CROT: variants seen among roughly 807,000 people sequenced by gnomAD.
CROT encodes the protein carnitine O-octanoyltransferase, also known as peroxisomal carnitine O-octanoyltransferase.
In CROT, 84 loss-of-function variants were observed where a neutral mutation model predicts 89.2. That is an observed-to-expected ratio of 0.94 (90% CI 0.79 to 1.13). The LOEUF (loss-of-function observed/expected upper bound fraction) is 1.13. Among genes scored for constraint, CROT ranks in the 50% most tolerant of loss-of-function variants. The pLI, the probability that CROT is intolerant of heterozygous loss-of-function variation, is 0.00. For missense variants in CROT, 711 were observed against 727.8 expected (o/e 0.98, Z 0.27); for synonymous variants, 212 against 239.5 (o/e 0.89, Z 1.06).
chr7:87,382,450 C>G lies in CROT; in HGVS notation c.1208C>G (p.Ser403Cys). ...DLQIAAYAFT[S>C]FGKKLTKNKM... ...CAGATTGCGGCTTATGCCTTTACAT[C>G]TTTTGGCAAAAAGCTAACCAAGAAC... Residue 403 changes from serine (S) to cysteine (C), a missense_variant, in exon 13 of 18, where the codon TCT (serine) becomes TGT (cysteine). Physicochemically the swap from Ser to Cys is moderately radical, Grantham distance 112. Coordinates refer to ENST00000331536, the MANE Select transcript of CROT (RefSeq NM_021151.4). The G allele has an allele frequency of 6.2e-7, 1 of 1,613,794 alleles. No individual in the cohort carries two copies. The highest frequency in any genetic ancestry group is 1.7e-5 in the Admixed American group (1 of 59,978).
intron 6 of CROT, among the ~76,000 whole-genome samples, chr7:87,367,894 A>C (rs867732696): frequency 2.3e-4 from 35 of 152,088 alleles, no homozygotes; most frequent in African/African-American, 8.5e-4. Context: ...TCACCTCCTA[A>C]CTTGGCATAC....
Position 87,369,456 on chromosome 7 carries a change from T to A in CROT, c.628T>A (p.Cys210Ser). The A allele has an allele frequency of 6.2e-7, 1 of 1,612,856 alleles. No homozygotes were observed. Among genetic ancestry groups the A allele is most frequent in the Non-Finnish European group, 8.5e-7 (1 of 1,179,300 alleles). Residue 210 changes from cysteine (C) to serine (S), a missense_variant, in exon 7 of 18, where the codon TGT becomes AGT. By Grantham distance (112) the Cys-to-Ser change is moderately radical. Coordinates refer to ENST00000331536, the MANE Select transcript of CROT (RefSeq NM_021151.4). ...TGTCTTTGATGTAATACATGAAGGA[T>A]GTTTGGTCACCCCGCCAGAGCTTCT... ...AFVFDVIHEG[C>S]LVTPPELLRQ...
At chr7:87,364,780 AAG>A (rs1411850395) in intron 6 of CROT, among the ~76,000 whole-genome samples, 1 of 152,192 alleles carries the variant, frequency 6.6e-6, no homozygotes, top group Non-Finnish European at 1.5e-5. Context: ...GACAGGATCA[AAG>A]AAGAGAGGCA....
intron 3 of CROT, among the ~76,000 whole-genome samples, chr7:87,353,976 G>GT (rs763211402): frequency 2.3e-4 from 35 of 152,204 alleles, no homozygotes; most frequent in Non-Finnish European, 2.8e-4. Context: ...AGATTCTACA[G>GT]TCTTGTAGTG....
At chr7:87,380,805 G>C (rs2116009102) in intron 10 of CROT, among the ~76,000 whole-genome samples, 2 of 152,284 alleles carry the variant, frequency 1.3e-5, no homozygotes, top group Middle Eastern at 3.4e-3. Context: ...TGTCTTAAAT[G>C]AAACAATATA....
intron 13 of CROT, among the ~76,000 whole-genome samples, chr7:87,384,197 C>T (rs1807118243): frequency 6.6e-6 from 1 of 152,062 alleles, no homozygotes; most frequent in African/African-American, 2.4e-5. Flanking sequence ...TTTTCATATA[C>T]TTGTTGGCTG....
chr7:87,374,566 A>G (rs988524789), intron 7 of CROT, among the ~76,000 whole-genome samples: 3 of 152,082 alleles, frequency 2.0e-5, no homozygotes, highest in African/African-American at 7.2e-5. Context: ...TTGGAGCAAA[A>G]TCAGTAGTTA....
At chr7:87,364,713 A>G (rs1806384631) in intron 6 of CROT, among the ~76,000 whole-genome samples, 1 of 152,224 alleles carries the variant, frequency 6.6e-6, no homozygotes, top group Non-Finnish European at 1.5e-5. Flanking sequence ...AGCCAAAGTC[A>G]TTGAGAAGGT....
At chr7:87,369,284 A>G in intron 6 of CROT, 92 bp from the exon 7 acceptor site, 1 of 734,354 alleles carries the variant, frequency 1.4e-6, no homozygotes, top group Admixed American at 2.5e-5. Context: ...AAAATACTGG[A>G]AGAATGCCTA....
chr7:87,350,662 C>T (rs1805838147), intron 3 of CROT, among the ~76,000 whole-genome samples: 1 of 152,152 alleles, frequency 6.6e-6, no homozygotes, highest in African/African-American at 2.4e-5. Context: ...CCCATGTGCC[C>T]ATAACCATCC....
chr7:87,397,583 A>C (rs564793480), intron 17 of CROT, among the ~76,000 whole-genome samples: 1 of 152,326 alleles, frequency 6.6e-6, no homozygotes, highest in South Asian at 2.1e-4. Flanking sequence ...ATGCTGCTAA[A>C]TATCTGGGAA....
chr7:87,360,631 A>AT (rs1806237146), intron 4 of CROT, among the ~76,000 whole-genome samples: 1 of 151,950 alleles, frequency 6.6e-6, no homozygotes, highest in Admixed American at 6.6e-5. Context: ...GTGAGCCACT[A>AT]TGCCCAGCCA....
At position 87,383,582 on chromosome 7, in the gene CROT, A is replaced by G. The variant is rs189540054; in HGVS notation, c.1301+1039A>G. ...ATGGTCTTGGTTCCCTGCAACCTCT[A>G]CCTCCTGGGTTCAAGCAATTCTCCC... On this transcript the variant is annotated intron_variant, in intron 13 of 17. Transcript: ENST00000331536. Among the ~76,000 whole-genome samples the G allele has an allele frequency of 4.7e-5, 7 of 148,588 alleles. No individual in the cohort carries two copies. The East Asian group carries it at 9.9e-4, about 21-fold the overall frequency.
chr7:87,390,022 A>G (rs1807311019), intron 13 of CROT, among the ~76,000 whole-genome samples: 1 of 151,876 alleles, frequency 6.6e-6, no homozygotes, highest in Non-Finnish European at 1.5e-5. Flanking sequence ...CCTTTCTCTT[A>G]TTGTATTTGA....
Position 87,393,143 on chromosome 7 carries a change from T to A in CROT, c.1718+76T>A, listed in dbSNP as rs751526586. The A allele has an allele frequency of 2.1e-6, 3 of 1,450,886 alleles. No individual in the cohort carries two copies. The Middle Eastern group carries it at 6.8e-4, about 327-fold the overall frequency. 89.9% of individuals were successfully genotyped at this position (1,450,886 alleles called of 1,614,324 possible). A position where few individuals can be genotyped will look rare whatever the true frequency, so the allele number is the denominator to read the frequency against. On this transcript the variant is annotated intron_variant, in intron 17 of 17. Coordinates refer to ENST00000331536, the MANE Select transcript of CROT (RefSeq NM_021151.4). ...TACTTTTGTTTTTAAATGCCTTTCC[T>A]ACACTGTGATTCTTATATTGCCATC... is the stretch of plus-strand genomic sequence containing the variant.
At position 87,392,725 on chromosome 7, in the gene CROT, T is replaced by G. The variant is rs756017636; in HGVS notation, c.1505-5T>G. 2.5e-6 allele frequency: 4 copies of G among 1,613,106 alleles called. No homozygotes were observed. In the South Asian group the frequency reaches 4.4e-5, roughly 18 times the overall value. ...TCTAACCTGAGATTTGGGGTTTCATTGCAGGATTTGATCGTCACCTTTTAG... is the reference window on the plus strand; with the variant it reads ...TCTAACCTGAGATTTGGGGTTTCATGGCAGGATTTGATCGTCACCTTTTAG... On this transcript the variant is annotated splice_region_variant and splice_polypyrimidine_tract_variant and intron_variant, in intron 15 of 17. Coordinates refer to ENST00000331536, the MANE Select transcript of CROT (RefSeq NM_021151.4).
rs1807027714 is a variant in CROT, at chr7:87,382,081, A to AGAAG, written c.1072_1075dup (p.Val359GlufsTer17). 6.2e-7 allele frequency: 1 copy of AGAAG among 1,610,100 alleles called. No homozygotes were observed. ...AGTCTTCCCTATTTTCAGGGTTCAG[A>AGAAG]GAAGGTACGAGATATACCACTTCCA... On this transcript the variant is annotated frameshift_variant, in exon 12 of 18. Coordinates refer to ENST00000331536, the MANE Select transcript of CROT (RefSeq NM_021151.4). LOFTEE classifies it high-confidence loss of function.
At chr7:87,386,892 G>C (rs78699983) in intron 13 of CROT, among the ~76,000 whole-genome samples, 4,950 of 152,210 alleles carry the variant, frequency 0.033, 252 homozygotes, top group African/African-American at 0.11. Context: ...TATAGGCAAA[G>C]ATGCTTCCCT....
intron 6 of CROT, among the ~76,000 whole-genome samples, chr7:87,362,239 C>T (rs1806301700): frequency 2.0e-5 from 3 of 151,500 alleles, no homozygotes. Context: ...TATCATGCCA[C>T]AGTCTCCCTG....
Sources: gnomAD v4.1 joint callset for allele counts (sites outside exome capture counted in the v4.1 genomes callset) on GRCh38, gnomAD v4.1.1 for gene constraint, MANE v1.5 for transcripts, NCBI Gene and HGNC (gene_info 2026-07-23, HGNC 2026-07-21) for gene names.